AGBL1: variants seen among roughly 807,000 people sequenced by gnomAD.
AGBL1 encodes the protein AGBL carboxypeptidase 1.
AGBL1 carries 130 observed loss-of-function variants against 118.9 expected under a neutral mutation model. The ratio of observed to expected loss-of-function variants is 1.09; its 90% CI spans 0.95 to 1.26. The LOEUF is 1.26. AGBL1 is among the 50% of genes most tolerant of loss of function. The pLI, the probability that AGBL1 is intolerant of heterozygous loss-of-function variation, is 0.00. For synonymous variants in AGBL1, 555 were observed against 478.9 expected (o/e 1.16, Z -2.08); for missense variants, 1,584 against 1,298.1 (o/e 1.22, Z -3.38).
At chr15:86,480,020 G>T (rs2082628611) in intron 18 of AGBL1, among the ~76,000 whole-genome samples, 1 of 152,104 alleles carries the variant, frequency 6.6e-6, no homozygotes, top group South Asian at 2.1e-4. Context: ...CTCACTCATA[G>T]GTGGGAATTG....
chr15:86,712,248 G>A (rs780905993), intron 22 of AGBL1, among the ~76,000 whole-genome samples: 1 of 152,048 alleles, frequency 6.6e-6, no homozygotes, highest in African/African-American at 2.4e-5. Flanking sequence ...AACAAACAAA[G>A]CAATAATAAA....
At chr15:86,449,206 G>A (rs556142340) in intron 18 of AGBL1, among the ~76,000 whole-genome samples, 5 of 152,220 alleles carry the variant, frequency 3.3e-5, no homozygotes, top group Admixed American at 6.5e-5. Context: ...ACAAAACAAC[G>A]GCCACAACAG....
intron 22 of AGBL1, among the ~76,000 whole-genome samples, chr15:86,706,895 T>C (rs958361005): frequency 6.6e-6 from 1 of 152,112 alleles, no homozygotes; most frequent in African/African-American, 2.4e-5. Flanking sequence ...TACCAGTTAC[T>C]CATCTATGAC....
chr15:87,030,705 C>T (rs1026524832), downstream of AGBL1, among the ~76,000 whole-genome samples: 2 of 151,976 alleles, frequency 1.3e-5, no homozygotes, highest in Non-Finnish European at 2.9e-5. Flanking sequence ...GTGATATTGC[C>T]TTGCTAACTA....
chr15:86,524,095 A>G (rs1404976916), intron 19 of AGBL1, among the ~76,000 whole-genome samples: 1 of 152,238 alleles, frequency 6.6e-6, no homozygotes, highest in African/African-American at 2.4e-5. Flanking sequence ...TTTAAAATGG[A>G]TGAATATATA....
At chr15:86,851,320 C>G (rs2079404061) in intron 22 of AGBL1, among the ~76,000 whole-genome samples, 2 of 152,184 alleles carry the variant, frequency 1.3e-5, no homozygotes, top group South Asian at 4.2e-4. Flanking sequence ...AGCTCAAAAC[C>G]AAGTCTACTA....
At chr15:86,686,442 G>GTTTTT (rs368842116) in intron 22 of AGBL1, among the ~76,000 whole-genome samples, 5 of 127,126 alleles carry the variant, frequency 3.9e-5, no homozygotes, top group Non-Finnish European at 6.5e-5. Context: ...CATATTCTAA[G>GTTTTT]TTTTTTTTTT....
At chr15:86,955,797 T>C (rs2080924308) in intron 23 of AGBL1, among the ~76,000 whole-genome samples, 1 of 152,044 alleles carries the variant, frequency 6.6e-6, no homozygotes, top group Admixed American at 6.6e-5. Context: ...TATACTTAAA[T>C]AGGATTCCAA....
rs1567234404 is a variant in AGBL1, at chr15:86,908,806, G to A, written c.*1512G>A. On this transcript the variant is annotated 3_prime_UTR_variant, in exon 23 of 23. Coordinates refer to ENST00000614907, the MANE Select transcript of AGBL1 (RefSeq NM_001386094.1). ...GAATACGCTAGGTCAAACTTAGGCT[G>A]TTTTAGATGTCATGTGTATTAGTTA... 1 of 152,232 alleles carries A rather than the reference G, an allele frequency of 6.6e-6. No individual in the cohort carries two copies. The highest frequency in any genetic ancestry group is 1.5e-5 in the Non-Finnish European group (1 of 68,072). The allele number at this position is 152,232 out of a possible 1,614,324, so 9.4% of individuals were successfully genotyped here.
At chr15:86,457,009 G>A (rs774109927) in intron 18 of AGBL1, among the ~76,000 whole-genome samples, 10 of 152,102 alleles carry the variant, frequency 6.6e-5, no homozygotes, top group East Asian at 1.9e-4. Context: ...AGAACACACC[G>A]CTATTTGCCT....
intron 21 of AGBL1, among the ~76,000 whole-genome samples, chr15:86,574,210 T>G (rs1487911508): frequency 6.6e-6 from 1 of 152,222 alleles, no homozygotes; most frequent in East Asian, 1.9e-4. Flanking sequence ...TTTATCTGCA[T>G]GCTGTGCACC....
At chr15:86,639,289 A>G (rs2085153634) in intron 21 of AGBL1, among the ~76,000 whole-genome samples, 1 of 152,118 alleles carries the variant, frequency 6.6e-6, no homozygotes, top group Non-Finnish European at 1.5e-5. Context: ...CTTGCACTAG[A>G]TCTACTTGCA....
chr15:86,509,151 C>A (rs2083022329), intron 18 of AGBL1, among the ~76,000 whole-genome samples: 1 of 152,110 alleles, frequency 6.6e-6, no homozygotes, highest in Admixed American at 6.6e-5. Context: ...CGCACATACA[C>A]TTTTCACCAT....
intron 17 of AGBL1, among the ~76,000 whole-genome samples, chr15:86,345,315 C>T (rs1255678101): frequency 6.6e-6 from 1 of 152,070 alleles, no homozygotes; most frequent in African/African-American, 2.4e-5. Flanking sequence ...AAGCCATCCC[C>T]CTGGTGTTTA....
At chr15:86,370,602 A>G (rs893141965) in intron 17 of AGBL1, among the ~76,000 whole-genome samples, 1 of 152,038 alleles carries the variant, frequency 6.6e-6, no homozygotes, top group African/African-American at 2.4e-5. Context: ...GCCTGTTTCT[A>G]TTCTTTAACG....
chr15:87,010,871 CATCT>C (rs2081552534), intron 24 of AGBL1, among the ~76,000 whole-genome samples: 1 of 152,172 alleles, frequency 6.6e-6, no homozygotes, highest in South Asian at 2.1e-4. Context: ...TCTATCTGTT[CATCT>C]ATCTATCCAC....
At chr15:86,743,121 G>C (rs748394436) in intron 22 of AGBL1, among the ~76,000 whole-genome samples, 5 of 152,036 alleles carry the variant, frequency 3.3e-5, no homozygotes, top group Admixed American at 6.6e-5. Flanking sequence ...TGAACATATA[G>C]CTCCTCAAGA....
intron 21 of AGBL1, among the ~76,000 whole-genome samples, chr15:86,563,343 G>A (rs1157983893): frequency 6.6e-6 from 1 of 152,140 alleles, no homozygotes. Context: ...GGTATGTTGT[G>A]TGTTTGTTCT....
At chr15:86,213,927 C>G (rs899247451) in intron 5 of AGBL1, among the ~76,000 whole-genome samples, 5 of 152,174 alleles carry the variant, frequency 3.3e-5, no homozygotes, top group African/African-American at 9.6e-5. Flanking sequence ...CACTCCCCTT[C>G]CCCTCAACCC....
Sources: gnomAD v4.1 joint callset for allele counts (sites outside exome capture counted in the v4.1 genomes callset) on GRCh38, gnomAD v4.1.1 for gene constraint, MANE v1.5 for transcripts, NCBI Gene and HGNC (gene_info 2026-07-23, HGNC 2026-07-21) for gene names.